Variants in ZNF154 observed in about 807,000 individuals in gnomAD.
ZNF154 encodes zinc finger protein 154.
ZNF154 carries 6 observed loss-of-function variants against 7.5 expected under a neutral mutation model. The observed-to-expected ratio is 0.80, with a 90% confidence interval of 0.44 to 1.57. ZNF154 has a LOEUF of 1.57. Ranked by LOEUF, ZNF154 falls within the 40% of genes most tolerant of loss-of-function variation. The pLI is 0.01. For synonymous variants in ZNF154, 187 were observed against 185.9 expected, an observed-to-expected ratio of 1.01 and a Z score of -0.05; for missense variants, 485 against 531.4, an observed-to-expected ratio of 0.91 and a Z score of 0.86.
In ZNF154 at chr19:57,696,417, A is replaced by G. The variant is rs1309015081; in HGVS notation, c.*5218T>C. ...GCTCGGCCCTGCTTACCACCTGCCT[A>G]CCACACCTTTTGCCAGGATCCCAGA... On this transcript the variant is annotated 3_prime_UTR_variant, in exon 3 of 3. Coordinates refer to ENST00000684351, the MANE Select transcript of ZNF154 (RefSeq NM_001085384.3). 2.6e-5 allele frequency among the ~76,000 whole-genome samples: 4 copies of G among 152,150 alleles called. No homozygotes were observed. Among genetic ancestry groups the G allele is most frequent in the Admixed American group, 2.0e-4 (3 of 15,264 alleles).
Position 57,702,060 on chromosome 19 carries a change from C to T in ZNF154, c.889G>A (p.Gly297Arg), listed in dbSNP as rs200372111. 6.2e-7 allele frequency: 1 copy of T among 1,613,604 alleles called. No individual in the cohort carries two copies. Among genetic ancestry groups the T allele is most frequent in the East Asian group, 2.2e-5 (1 of 44,840 alleles). ...TCGCTGCACTCATAAGGCCTGGATCCACTGTGAACTTTCTGGTGTTTTATG... is the reference window on the plus strand; with the variant it reads ...TCGCTGCACTCATAAGGCCTGGATCTACTGTGAACTTTCTGGTGTTTTATG... ...SLIKHQKVHSGSRPYECSECG... is the reference protein window; with the variant it reads ...SLIKHQKVHSRSRPYECSECG... The change falls in exon 3 of 3, where the codon GGA becomes AGA. Residue 297 changes from glycine to arginine, a missense_variant. Physicochemically the swap from Gly to Arg is moderately radical, Grantham distance 125 (BLOSUM62 -2). Transcript: ENST00000684351.
At chr19:57,705,675 A>G (rs560665053) in intron 1 of ZNF154, among the ~76,000 whole-genome samples, 1 of 150,824 alleles carries the variant, frequency 6.6e-6, no homozygotes, top group Admixed American at 6.7e-5. Context: ...AATTGCTTGA[A>G]CCCAGGAGGC....
intron 1 of ZNF154, among the ~76,000 whole-genome samples, chr19:57,708,698 A>C (rs1462692365): frequency 6.6e-6 from 1 of 152,316 alleles, no homozygotes; most frequent in East Asian, 1.9e-4. Context: ...CGTTCCCTGC[A>C]GAAAACAGCT....
Position 57,702,637 on chromosome 19 carries a change from A to G in ZNF154, c.312T>C (p.Phe104=), listed in dbSNP as rs1985225352. Residue 104 remains phenylalanine (F), a synonymous_variant, in exon 3 of 3, where the codon TTT becomes TTC. Coordinates refer to ENST00000684351, the MANE Select transcript of ZNF154 (RefSeq NM_001085384.3). ...CAGTGTGAGCAGCCTGTTGATGGAG[A>G]AATCCCAACTTGGCCAGGAAGTCCT... is the stretch of plus-strand genomic sequence containing the variant. The part of the protein sequence containing the change: ...VGKDFLAKLG[F]LHQQAAHTGE... The G allele has an allele frequency of 1.2e-6, 2 of 1,613,936 alleles. No homozygotes were observed. Among genetic ancestry groups the G allele is most frequent in the African/African-American group, 1.3e-5 (1 of 74,882 alleles).
chr19:57,706,801 AC>A (rs1160658854), intron 1 of ZNF154, among the ~76,000 whole-genome samples: 1 of 152,172 alleles, frequency 6.6e-6, no homozygotes, highest in Non-Finnish European at 1.5e-5. Flanking sequence ...AATAACCTGT[AC>A]CACCATGCCT....
At position 57,701,926 on chromosome 19, in the gene ZNF154, C is replaced by T. The variant is rs1174317266; in HGVS notation, c.1023G>A (p.Arg341=). ...CTCCCCGATGTTGAAGGAGTGCAGA[C>T]CTTTGGCTAAAGGATTTCCCACATT... ...CSECGKSFSQ[R]SALLQHRGVH... is the part of the protein sequence containing the mutation. The change falls in exon 3 of 3, where the codon AGG becomes AGA. Residue 341 remains arginine, a synonymous_variant. Transcript: ENST00000684351. 1.3e-5 allele frequency: 21 copies of T among 1,612,494 alleles called. No individual in the cohort carries two copies. The highest frequency in any genetic ancestry group is 1.6e-5 in the Non-Finnish European group (19 of 1,179,684).
rs1984940295 is a variant in ZNF154 at position 57,697,396 on chromosome 19, A to T, written c.*4239T>A. On this transcript the variant is annotated 3_prime_UTR_variant, in exon 3 of 3. Coordinates refer to ENST00000684351, the MANE Select transcript of ZNF154 (RefSeq NM_001085384.3). ...TACAGCAAATTCTAATTAAAAAATGACTCAGCAACTTCAAGAAATAAGAAA... is the reference window on the plus strand; with the variant it reads ...TACAGCAAATTCTAATTAAAAAATGTCTCAGCAACTTCAAGAAATAAGAAA... 1.3e-5 allele frequency: 2 copies of T among 152,226 alleles called. No individual in the cohort carries two copies. Among genetic ancestry groups the T allele is most frequent in the South Asian group, 4.1e-4 (2 of 4,828 alleles). 9.4% of individuals were successfully genotyped at this position (152,226 alleles called of 1,614,324 possible).
At chr19:57,704,047 A>G (rs1324001891) in intron 2 of ZNF154, among the ~76,000 whole-genome samples, 10 of 152,166 alleles carry the variant, frequency 6.6e-5, no homozygotes, top group Non-Finnish European at 1.3e-4. Context: ...GACACACTAT[A>G]TAGAGGCTAA....
intron 1 of ZNF154, among the ~76,000 whole-genome samples, chr19:57,707,357 T>G (rs1350318691): frequency 1.3e-5 from 2 of 152,198 alleles, no homozygotes; most frequent in Non-Finnish European, 2.9e-5. Context: ...TACCAACTTC[T>G]CCATCTCAGT....
At position 57,709,129 on chromosome 19, in the gene ZNF154, C is replaced by G. The variant is rs1411523167; in HGVS notation, c.-158G>C. ...GGAGGGACGACGACTCCCCTCACGC[C>G]TTCGTGGCCCCAACTCGGCGCTCTG... On this transcript the variant is annotated 5_prime_UTR_variant, in exon 1 of 3. Coordinates refer to ENST00000684351, the MANE Select transcript of ZNF154 (RefSeq NM_001085384.3). 7 of 954,986 alleles carry G rather than the reference C, an allele frequency of 7.3e-6. No homozygotes were observed. The East Asian group carries it at 1.9e-4, about 25-fold the overall frequency. 59.2% of individuals were successfully genotyped at this position (954,986 alleles called of 1,614,324 possible).
At chr19:57,705,618 G>A (rs1019041368) in intron 1 of ZNF154, among the ~76,000 whole-genome samples, 1 of 152,084 alleles carries the variant, frequency 6.6e-6, no homozygotes, top group South Asian at 2.1e-4. Flanking sequence ...GCCGGGCGTG[G>A]TGAAGCACAC....
At position 57,701,526 on chromosome 19, in the gene ZNF154, C is replaced by G. The variant is rs140567483; in HGVS notation, c.*109G>C. The G allele has an allele frequency of 1.1e-5, 13 of 1,175,768 alleles. No homozygotes were observed. The highest frequency in any genetic ancestry group is 1.4e-5 in the Non-Finnish European group (12 of 840,818). 72.8% of individuals were successfully genotyped at this position (1,175,768 alleles called of 1,614,324 possible). A position where few individuals can be genotyped will look rare whatever the true frequency, so the allele number is the denominator to read the frequency against. ...TGTCTTTCCCTTGTGAACTGTGTGG[C>G]ACTCAATGAGATATGGCCTTCAGCT... On this transcript the variant is annotated 3_prime_UTR_variant, in exon 3 of 3. Transcript: ENST00000684351.
intron 1 of ZNF154, among the ~76,000 whole-genome samples, chr19:57,708,037 A>G (rs1985463048): frequency 6.6e-6 from 1 of 152,138 alleles, no homozygotes; most frequent in Non-Finnish European, 1.5e-5. Flanking sequence ...ACGCCCTTCT[A>G]CAACTGGGAG....
At chr19:57,705,503 C>A (rs532529276) in intron 1 of ZNF154, among the ~76,000 whole-genome samples, 1 of 152,284 alleles carries the variant, frequency 6.6e-6, no homozygotes, top group Admixed American at 6.5e-5. Context: ...TGCCTGTAAT[C>A]CCAGCACTTT....
At chr19:57,707,663 T>C (rs1488035103) in intron 1 of ZNF154, among the ~76,000 whole-genome samples, 1 of 152,204 alleles carries the variant, frequency 6.6e-6, no homozygotes, top group East Asian at 1.9e-4. Flanking sequence ...ACCCAACTTC[T>C]CAGGCAGCCA....
Position 57,709,036 on chromosome 19 carries a change from G to A in ZNF154, c.-65C>T. 3.9e-6 allele frequency: 6 copies of A among 1,547,418 alleles called. No individual in the cohort carries two copies. The East Asian group carries it at 1.2e-4, about 32-fold the overall frequency. ...ACATTGGTAGGGACCCGGGGACAGC[G>A]GTCCCTATCCCAGGCCTGACGTGGG... On this transcript the variant is annotated 5_prime_UTR_variant, in exon 1 of 3. Coordinates refer to ENST00000684351, the MANE Select transcript of ZNF154 (RefSeq NM_001085384.3).
chr19:57,708,294 A>G (rs1024234140), intron 1 of ZNF154, among the ~76,000 whole-genome samples: 1 of 152,190 alleles, frequency 6.6e-6, no homozygotes, highest in African/African-American at 2.4e-5. Flanking sequence ...TAGGGCGGGC[A>G]CGGTGGCTCA....
Position 57,699,828 on chromosome 19 carries a change from A to G in ZNF154, c.*1807T>C, listed in dbSNP as rs985129008. ...TGTCTACTAAAAATGCAAAACTCAG[A>G]TGGGCGTGGTGGCGGGTGCCTGTAA... On this transcript the variant is annotated 3_prime_UTR_variant, in exon 3 of 3. Transcript: ENST00000684351. 1 of 152,268 alleles carries G rather than the reference A, an allele frequency of 6.6e-6. No individual in the cohort carries two copies. Among genetic ancestry groups the G allele is most frequent in the South Asian group, 2.1e-4 (1 of 4,840 alleles). The allele number at this position is 152,268 out of a possible 1,614,324, so 9.4% of individuals were successfully genotyped here.
Position 57,701,569 on chromosome 19 carries a change from A to G in ZNF154, c.*66T>C. The G allele has an allele frequency of 3.9e-6, 6 of 1,520,038 alleles. No individual in the cohort carries two copies. The South Asian group carries it at 7.5e-5, about 19-fold the overall frequency. 94.2% of individuals were successfully genotyped at this position (1,520,038 alleles called of 1,614,324 possible). ...CTTCAGCTGAAGCTTTCTGACATTC[A>G]CTGTGTACTCAAGGACTTTCTCCAG... On this transcript the variant is annotated 3_prime_UTR_variant, in exon 3 of 3. Transcript: ENST00000684351.
Sources: gnomAD v4.1 joint callset for allele counts (sites outside exome capture counted in the v4.1 genomes callset) on GRCh38, gnomAD v4.1.1 for gene constraint, MANE v1.5 for transcripts, NCBI Gene and HGNC (gene_info 2026-07-23, HGNC 2026-07-21) for gene names.